SLC7A5: variants seen among roughly 807,000 people sequenced by gnomAD.
SLC7A5 encodes the protein solute carrier family 7 member 5, also known as large neutral amino acids transporter small subunit 1.
Under a neutral mutation model 50.2 loss-of-function variants are expected in SLC7A5, and 23 were observed. The ratio of observed to expected loss-of-function variants is 0.46; its 90% CI spans 0.33 to 0.65. The LOEUF is 0.65. Among genes scored for constraint, SLC7A5 ranks in the 30% least tolerant of loss-of-function variants. SLC7A5 has a pLI of 0.02. For missense variants in SLC7A5, 578 were observed against 684.4 expected (o/e 0.84, Z 1.73); for synonymous variants, 393 against 330.6 (o/e 1.19, Z -2.05).
At chr16:87,839,917 G>T in intron 4 of SLC7A5, 92 bp from the exon 5 acceptor site, 1 of 1,547,832 alleles carries the variant, frequency 6.5e-7, no homozygotes, top group East Asian at 2.3e-5. Flanking sequence ...CTCGCAAGCA[G>T]TAGCTCCAGC....
intron 2 of SLC7A5, among the ~76,000 whole-genome samples, chr16:87,849,745 G>C (rs899248169): frequency 6.6e-6 from 1 of 152,134 alleles, no homozygotes; most frequent in South Asian, 2.1e-4. Context: ...TGAGGTCCCA[G>C]GAAGGTTCAG....
chr16:87,863,986 A>ATATATATATATATATATATATAT (rs2055429223), intron 1 of SLC7A5, among the ~76,000 whole-genome samples: 2 of 83,280 alleles, frequency 2.4e-5, no homozygotes, highest in Non-Finnish European at 5.0e-5. Flanking sequence ...ATCATTTAAA[A>ATATATATATATATATATATATAT]ATATATATAT....
intron 1 of SLC7A5, among the ~76,000 whole-genome samples, chr16:87,863,986 A>AAAAAATAT (rs376938738): frequency 4.8e-5 from 4 of 83,276 alleles, no homozygotes; most frequent in African/African-American, 1.6e-4. Flanking sequence ...ATCATTTAAA[A>AAAAAATAT]ATATATATAT....
intron 8 of SLC7A5, among the ~76,000 whole-genome samples, chr16:87,835,852 C>T (rs1005156493): frequency 6.6e-6 from 1 of 152,232 alleles, no homozygotes; most frequent in African/African-American, 2.4e-5. Context: ...ATGGTCCGGG[C>T]AGGGAAGCAG....
rs3829509 is a variant in SLC7A5 at position 87,869,476 on chromosome 16, G to C, written c.-54C>G. On this transcript the variant is annotated 5_prime_UTR_variant, in exon 1 of 10. Transcript: ENST00000261622. Reference sequence around the variant, plus strand: ...CCCGGGAGCCGCGGCCCAGCGAGCAGTGTGCGCGCCGCCCGCCGCCCGCAG... The same window carrying C: ...CCCGGGAGCCGCGGCCCAGCGAGCACTGTGCGCGCCGCCCGCCGCCCGCAG... 273,732 of 1,214,840 alleles carry C rather than the reference G, an allele frequency of 0.23. 31,014 individuals are homozygous for C. Among genetic ancestry groups the C allele is most frequent in the South Asian group, 0.33 (10,342 of 30,894 alleles). 75.3% of individuals were successfully genotyped at this position (1,214,840 alleles called of 1,614,324 possible).
chr16:87,860,341 TACACACACACACACACACACACACAC>T lies in SLC7A5; in HGVS notation c.538+8518_539-8493del, dbSNP rs370835904. On this transcript the variant is annotated intron_variant, in intron 1 of 9. Transcript: ENST00000261622. The surrounding 1 kb of genome is among the most constrained non-coding windows in gnomAD (Gnocchi z 4.8). ...AAAGCATCTCAAAAAAAAAAAAAAA[TACACACACACACACACACACACACAC>T]ACACACACACACACACACACACACA... Among the ~76,000 whole-genome samples the T allele has an allele frequency of 4.1e-4, 35 of 86,184 alleles. No individual in the cohort carries two copies. Among genetic ancestry groups the T allele is most frequent in the Admixed American group, 1.1e-3 (8 of 7,092 alleles). The allele number at this position is 86,184 out of a possible 152,430, so 56.5% of individuals were successfully genotyped here. A position where few individuals can be genotyped will look rare whatever the true frequency, so the allele number is the denominator to read the frequency against.
At chr16:87,864,644 G>C (rs1040700083) in intron 1 of SLC7A5, among the ~76,000 whole-genome samples, 1 of 152,222 alleles carries the variant, frequency 6.6e-6, no homozygotes, top group African/African-American at 2.4e-5. Flanking sequence ...CAGACACACA[G>C]ATATTCTGCT....
intron 2 of SLC7A5, among the ~76,000 whole-genome samples, chr16:87,848,804 G>C (rs964025810): frequency 6.6e-6 from 1 of 152,228 alleles, no homozygotes; most frequent in African/African-American, 2.4e-5. Context: ...TGGATGCGGG[G>C]CCATGTTCTC....
At chr16:87,851,557 G>T (rs2055223070) in intron 2 of SLC7A5, among the ~76,000 whole-genome samples, 167 bp downstream of exon 2, 1 of 152,260 alleles carries the variant, frequency 6.6e-6, no homozygotes, top group African/African-American at 2.4e-5. Context: ...CCCCCTCTGG[G>T]TCGGATTTCA....
At chr16:87,848,037 G>A (rs934269177) in intron 2 of SLC7A5, among the ~76,000 whole-genome samples, 1 of 152,214 alleles carries the variant, frequency 6.6e-6, no homozygotes, top group Non-Finnish European at 1.5e-5. Flanking sequence ...GCCCTGCCCA[G>A]GGGAAGCATT....
intron 6 of SLC7A5, 107 bp downstream of exon 6, chr16:87,838,607 T>C (rs1228626504): frequency 2.3e-6 from 2 of 882,732 alleles, no homozygotes; most frequent in Non-Finnish European, 3.8e-6. Context: ...TGAGCAATTA[T>C]GCATCCCCAG....
chr16:87,837,826 G>C lies in SLC7A5; in HGVS notation c.1140+19C>G, dbSNP rs2055028087. On this transcript the variant is annotated intron_variant, in intron 7 of 9. Transcript: ENST00000261622. The stretch of plus-strand genomic sequence containing the variant: ...CAACCCCCAGGGATGTAGGGCACAG[G>C]GCCGTGCAGCAGGCTTACCGTGAAC... 1.3e-6 allele frequency: 2 copies of C among 1,585,136 alleles called. No individual in the cohort carries two copies. Among genetic ancestry groups the C allele is most frequent in the Non-Finnish European group, 1.7e-6 (2 of 1,164,514 alleles).
At chr16:87,842,424 G>T (rs188645503) in intron 2 of SLC7A5, among the ~76,000 whole-genome samples, 4 of 152,326 alleles carry the variant, frequency 2.6e-5, no homozygotes, top group Admixed American at 1.3e-4. Flanking sequence ...ATTTCAAAGG[G>T]GACCCGTGAA....
rs1165441475 is a variant in SLC7A5, at chr16:87,831,310, T to A, written c.*1660A>T. ...GCAACGGGGCAGGGGTGAATAAAGG[T>A]CTTCATTCCTCAAGCAAGAGAGACG... On this transcript the variant is annotated 3_prime_UTR_variant, in exon 10 of 10. Coordinates refer to ENST00000261622, the MANE Select transcript of SLC7A5 (RefSeq NM_003486.7). The A allele has an allele frequency of 1.3e-5, 2 of 151,994 alleles. No homozygotes were observed. The highest frequency in any genetic ancestry group is 2.9e-5 in the Non-Finnish European group (2 of 68,042). The allele number at this position is 151,994 out of a possible 1,614,324, so 9.4% of individuals were successfully genotyped here.
At chr16:87,836,355 G>A (rs561119104) in intron 8 of SLC7A5, 143 bp downstream of exon 8, 16 of 904,268 alleles carry the variant, frequency 1.8e-5, no homozygotes, top group Middle Eastern at 3.3e-4. Flanking sequence ...AGTCATCACC[G>A]GAATTAGTCG....
In SLC7A5 at chr16:87,852,452, C is replaced by G. The variant is rs1404171527; in HGVS notation, c.539-603G>C. The stretch of plus-strand genomic sequence containing the variant: ...GAGCAGAGCAGACCCTGCTGCCCTG[C>G]TGCTTTGGGGGCATACGATGAAACC... On this transcript the variant is annotated intron_variant, in intron 1 of 9. Transcript: ENST00000261622. This position sits in a 1 kb window ranked among gnomAD's most constrained non-coding sequence, Gnocchi z 4.5. 2.0e-5 allele frequency among the ~76,000 whole-genome samples: 3 copies of G among 152,178 alleles called. No homozygotes were observed. Among genetic ancestry groups the G allele is most frequent in the African/African-American group, 7.2e-5 (3 of 41,440 alleles).
intron 7 of SLC7A5, among the ~76,000 whole-genome samples, chr16:87,837,007 ACCTAAC>A (rs1442626222): frequency 6.6e-6 from 1 of 152,222 alleles, no homozygotes; most frequent in African/African-American, 2.4e-5. Flanking sequence ...CCACAACCTG[ACCTAAC>A]CCAGTGGTCA....
chr16:87,840,407 C>T (rs765529091), intron 4 of SLC7A5, 22 bp downstream of exon 4: 28 of 1,597,708 alleles, frequency 1.8e-5, no homozygotes, highest in African/African-American at 1.3e-4. Flanking sequence ...AAAAAGACGG[C>T]TCCATCCATT....
At position 87,860,384 on chromosome 16, in the gene SLC7A5, A is replaced by G. The variant is rs1207529010; in HGVS notation, c.538+8501T>C. ...CACACACACACACACACACACACAC[A>G]CACACACACACACACATATATATAT... On this transcript the variant is annotated intron_variant, in intron 1 of 9. Transcript: ENST00000261622. The surrounding 1 kb of genome is among the most constrained non-coding windows in gnomAD (Gnocchi z 4.8). Among the ~76,000 whole-genome samples the G allele has an allele frequency of 1.4e-5, 2 of 147,622 alleles. No homozygotes were observed. Among genetic ancestry groups the G allele is most frequent in the East Asian group, 3.9e-4 (2 of 5,112 alleles).
Sources: gnomAD v4.1 joint callset for allele counts (sites outside exome capture counted in the v4.1 genomes callset) on GRCh38, gnomAD v4.1.1 for gene constraint, Gnocchi (gnomAD v3.1) non-coding constraint, MANE v1.5 for transcripts, NCBI Gene and HGNC (gene_info 2026-07-23, HGNC 2026-07-21) for gene names.